CYTH1: variants seen among roughly 807,000 people sequenced by gnomAD.
CYTH1 encodes the protein cytohesin 1, also known as cytohesin-1.
CYTH1 carries 18 observed loss-of-function variants against 61.8 expected under a neutral mutation model. The ratio of observed to expected loss-of-function variants is 0.29; its 90% CI spans 0.20 to 0.43. CYTH1 has a LOEUF of 0.43. CYTH1 is among the 20% of genes least tolerant of loss of function. CYTH1 has a pLI of 1.00. For missense variants in CYTH1, 336 were observed against 510.5 expected (o/e 0.66, Z 3.29); for synonymous variants, 174 against 184.3 (o/e 0.94, Z 0.45).
chr17:78,771,926 C>A (rs1013735451), intron 1 of CYTH1, among the ~76,000 whole-genome samples: 13 of 152,124 alleles, frequency 8.5e-5, no homozygotes, highest in African/African-American at 3.1e-4. Context: ...CCCCTACATA[C>A]CCTTCACTGC....
At chr17:78,733,722 A>G (rs2093306706) in intron 1 of CYTH1, among the ~76,000 whole-genome samples, 1 of 152,284 alleles carries the variant, frequency 6.6e-6, no homozygotes. Context: ...CAGAACTTGA[A>G]GGACCAACGG....
At chr17:78,768,647 C>T (rs2093458361) in intron 1 of CYTH1, among the ~76,000 whole-genome samples, 1 of 152,130 alleles carries the variant, frequency 6.6e-6, no homozygotes, top group African/African-American at 2.4e-5. Flanking sequence ...TTTTTCTCTC[C>T]TACCTCCTAC....
chr17:78,751,105 AC>A (rs2093378375), intron 1 of CYTH1, among the ~76,000 whole-genome samples: 1 of 151,904 alleles, frequency 6.6e-6, no homozygotes, highest in Non-Finnish European at 1.5e-5. Flanking sequence ...CACCTTAGCC[AC>A]CTGAATAGCT....
At position 78,675,887 on chromosome 17, in the gene CYTH1, C is replaced by A; in HGVS notation, c.*204G>T. 6.7e-7 allele frequency: 1 copy of A among 1,493,624 alleles called. No homozygotes were observed. The highest frequency in any genetic ancestry group is 8.9e-7 in the Non-Finnish European group (1 of 1,121,094). The allele number at this position is 1,493,624 out of a possible 1,614,324, so 92.5% of individuals were successfully genotyped here. On this transcript the variant is annotated 3_prime_UTR_variant, in exon 14 of 14. Coordinates refer to ENST00000446868, the MANE Select transcript of CYTH1 (RefSeq NM_004762.6). ...GGAAGGCTCTGGAGCCCATGCTGGA[C>A]AGGTGGCCGGTCCTCTCTTCCCCAG... is the stretch of plus-strand genomic sequence containing the variant.
chr17:78,707,894 T>C (rs1005673836), intron 3 of CYTH1, among the ~76,000 whole-genome samples: 7 of 152,116 alleles, frequency 4.6e-5, no homozygotes, highest in Non-Finnish European at 8.8e-5. Context: ...TTGGCCAGGA[T>C]GGTCTCGATC....
intron 1 of CYTH1, among the ~76,000 whole-genome samples, chr17:78,758,081 G>A (rs1050713164): frequency 1.3e-5 from 2 of 152,114 alleles, no homozygotes; most frequent in African/African-American, 4.8e-5. Context: ...CCCTAACCCA[G>A]TAAGTCCACT....
intron 1 of CYTH1, chr17:78,737,031 AC>A (rs2093323475): frequency 6.5e-6 from 1 of 153,250 alleles, no homozygotes; most frequent in Non-Finnish European, 1.5e-5. Context: ...AAGCAATCTT[AC>A]ACTGGAGTCA....
chr17:78,687,808 A>G (rs1194523533), intron 11 of CYTH1, among the ~76,000 whole-genome samples: 2 of 152,200 alleles, frequency 1.3e-5, no homozygotes, highest in South Asian at 2.1e-4. Flanking sequence ...ACACAAGTAC[A>G]CAAGTTTCCT....
chr17:78,744,460 G>A (rs2093352364), intron 1 of CYTH1, among the ~76,000 whole-genome samples: 1 of 152,138 alleles, frequency 6.6e-6, no homozygotes, highest in African/African-American at 2.4e-5. Context: ...CCAAAGTCCC[G>A]AAGAACATCT....
chr17:78,689,234 TC>T (rs1390090600), intron 11 of CYTH1, among the ~76,000 whole-genome samples: 1 of 152,186 alleles, frequency 6.6e-6, no homozygotes, highest in African/African-American at 2.4e-5. Flanking sequence ...AGGCTAATTG[TC>T]ACTTGCCACT....
intron 1 of CYTH1, among the ~76,000 whole-genome samples, chr17:78,776,578 G>A (rs1481177948): frequency 1.3e-5 from 2 of 149,210 alleles, no homozygotes; most frequent in Non-Finnish European, 3.0e-5. Flanking sequence ...AGAATCGCTT[G>A]AACCCGGGAG....
At chr17:78,776,018 G>A (rs1220175484) in intron 1 of CYTH1, among the ~76,000 whole-genome samples, 1 of 152,028 alleles carries the variant, frequency 6.6e-6, no homozygotes, top group Non-Finnish European at 1.5e-5. Flanking sequence ...AGCCGGGTGT[G>A]GTGGCACATG....
chr17:78,744,747 T>C (rs1264953052), intron 1 of CYTH1, among the ~76,000 whole-genome samples: 2 of 151,862 alleles, frequency 1.3e-5, no homozygotes, highest in African/African-American at 2.4e-5. Flanking sequence ...CAAAGCAAGC[T>C]ATGGGATTTC....
At position 78,737,844 on chromosome 17, in the gene CYTH1, A is replaced by G. The variant is rs532114799; in HGVS notation, c.23-28112T>C. ...CATTTTCCAGACTTTTGTTATAAGT[A>G]TTATATATATTCTCTCTCTCTTCTA... On this transcript the variant is annotated intron_variant, in intron 1 of 13. Transcript: ENST00000446868. 3.4e-5 allele frequency among the ~76,000 whole-genome samples: 5 copies of G among 148,510 alleles called. No individual in the cohort carries two copies. In the Admixed American group the frequency reaches 3.4e-4, roughly 10 times the overall value.
intron 13 of CYTH1, among the ~76,000 whole-genome samples, chr17:78,679,770 G>C (rs1348255368): frequency 6.6e-6 from 1 of 152,150 alleles, no homozygotes; most frequent in Non-Finnish European, 1.5e-5. Context: ...TAACCTCTAT[G>C]GGCCTCAGTT....
At chr17:78,702,692 G>T in intron 3 of CYTH1, 88 bp from the exon 4 acceptor site, 1 of 1,377,086 alleles carries the variant, frequency 7.3e-7, no homozygotes, top group African/African-American at 1.4e-5. Context: ...ATTTACACAG[G>T]TTTTTGAAAG....
Position 78,752,883 on chromosome 17 carries a change from A to G in CYTH1, c.22+29319T>C, listed in dbSNP as rs139208621. Among the ~76,000 whole-genome samples the G allele has an allele frequency of 6.5e-3, 986 of 152,348 alleles. 13 individuals are homozygous for G. The highest frequency in any genetic ancestry group is 0.022 in the African/African-American group (909 of 41,570). On this transcript the variant is annotated intron_variant, in intron 1 of 13. Coordinates refer to ENST00000446868, the MANE Select transcript of CYTH1 (RefSeq NM_004762.6). Reference sequence around the variant, plus strand: ...AATTAAATACAAAGCCATAGGTAGTACTATAACGCATGAATTTTGTTGTTG... The same window carrying G: ...AATTAAATACAAAGCCATAGGTAGTGCTATAACGCATGAATTTTGTTGTTG...
chr17:78,702,633 G>A (rs916209634), intron 3 of CYTH1, 29 bp from the exon 4 acceptor site: 6 of 1,609,876 alleles, frequency 3.7e-6, no homozygotes, highest in Non-Finnish European at 5.1e-6. Flanking sequence ...AGCCATTTTA[G>A]TACTTCAGGC....
intron 1 of CYTH1, among the ~76,000 whole-genome samples, chr17:78,726,825 C>G (rs1200068484): frequency 1.3e-5 from 2 of 152,282 alleles, no homozygotes; most frequent in East Asian, 3.9e-4. Flanking sequence ...GGACTGGAAG[C>G]TTTGCGTAGT....
Sources: allele counts gnomAD v4.1 joint callset (sites outside exome capture counted in the v4.1 genomes callset), GRCh38; gene constraint gnomAD v4.1.1; transcripts MANE v1.5; gene names NCBI Gene and HGNC (gene_info 2026-07-23, HGNC 2026-07-21).